The following SCAI variants were observed in gnomAD, a reference collection of about 807,000 sequenced individuals.
The protein encoded by SCAI is protein SCAI.
In SCAI, 24 loss-of-function variants were observed where a neutral mutation model predicts 92.2. That is an observed-to-expected ratio of 0.26 (90% confidence interval 0.19 to 0.37). SCAI has a LOEUF of 0.37. Among genes scored for constraint, SCAI ranks in the 10% least tolerant of loss-of-function variants. SCAI has a pLI of 1.00. For synonymous variants in SCAI, 261 were observed against 258.6 expected (o/e 1.01, Z -0.09); for missense variants, 450 against 736.2 (o/e 0.61, Z 4.50).
chr9:125,065,961 G>T, intron 2 of SCAI: 1 of 754,586 alleles, frequency 1.3e-6, no homozygotes, highest in Admixed American at 1.9e-5. Context: ...TAAAGGATAT[G>T]TATTTTAAAA....
At chr9:124,981,670 G>A (rs62583419) in intron 14 of SCAI, among the ~76,000 whole-genome samples, 1 of 147,828 alleles carries the variant, frequency 6.8e-6, no homozygotes. Flanking sequence ...TTTTTTTTTA[G>A]TCAAGGTCTT....
At chr9:125,140,133 A>C (rs1835631925) in intron 2 of SCAI, among the ~76,000 whole-genome samples, 2 of 152,104 alleles carry the variant, frequency 1.3e-5, no homozygotes, top group Non-Finnish European at 2.9e-5. Context: ...AGGTGGAAGG[A>C]TTACCAGGTC....
chr9:125,101,011 G>C (rs2131212950), intron 2 of SCAI, among the ~76,000 whole-genome samples: 1 of 152,232 alleles, frequency 6.6e-6, no homozygotes. Context: ...GACTGCTTGA[G>C]TCCAGGAGTT....
Position 125,085,366 on chromosome 9 carries a change from A to C in SCAI, c.99-29359T>G, listed in dbSNP as rs970845410. Reference sequence around the variant, plus strand: ...GCCTTGCGTGGTGGCGTGCACCTGTAGTCACAGCTACTCAGGAAGCTGAGG... The same window carrying C: ...GCCTTGCGTGGTGGCGTGCACCTGTCGTCACAGCTACTCAGGAAGCTGAGG... On this transcript the variant is annotated intron_variant, in intron 2 of 17. Coordinates refer to ENST00000336505, the MANE Select transcript of SCAI (RefSeq NM_001144877.3). 3.3e-5 allele frequency among the ~76,000 whole-genome samples: 5 copies of C among 152,290 alleles called. No individual in the cohort carries two copies. In the East Asian group the frequency reaches 9.6e-4, roughly 29 times the overall value.
rs142046796 is a variant in SCAI at position 125,132,181 on chromosome 9, T to C, written c.98+10452A>G. Among the ~76,000 whole-genome samples, 192 of 152,120 alleles carry C rather than the reference T, an allele frequency of 1.3e-3. 2 individuals are homozygous for C. Among genetic ancestry groups the C allele is most frequent in the African/African-American group, 4.3e-3 (179 of 41,524 alleles). On this transcript the variant is annotated intron_variant, in intron 2 of 17. Transcript: ENST00000336505. ...CAGGTTAGGGTGCAGTGGCACGATC[T>C]TGGCTCACTGCAACCACCAGCTCCT...
intron 2 of SCAI, among the ~76,000 whole-genome samples, chr9:125,111,218 AT>A (rs1189422201): frequency 6.6e-6 from 1 of 152,168 alleles, no homozygotes; most frequent in Non-Finnish European, 1.5e-5. Context: ...TAAAAAAAAA[AT>A]CAATCAAATT....
At chr9:124,968,602 A>T in intron 17 of SCAI, 1 of 954,652 alleles carries the variant, frequency 1.0e-6, no homozygotes, top group South Asian at 1.3e-5. Flanking sequence ...TCTTCAAAAA[A>T]CTCTGCTAAA....
chr9:125,003,342 A>G (rs1252663513), intron 10 of SCAI, 127 bp from the exon 11 acceptor site: 3 of 996,714 alleles, frequency 3.0e-6, no homozygotes, highest in Non-Finnish European at 4.8e-6. Context: ...GTGATGATCT[A>G]TTTCTCCATG....
chr9:125,040,383 T>C (rs1175252612), intron 3 of SCAI, among the ~76,000 whole-genome samples: 2 of 152,052 alleles, frequency 1.3e-5, no homozygotes, highest in Non-Finnish European at 2.9e-5. Flanking sequence ...CAAAAAAGAA[T>C]GATTTCTTTC....
intron 3 of SCAI, among the ~76,000 whole-genome samples, chr9:125,052,890 T>C (rs996765493): frequency 2.0e-5 from 3 of 151,186 alleles, no homozygotes; most frequent in Admixed American, 2.0e-4. Context: ...ACCATTTACA[T>C]CCAGTAGCAT....
intron 9 of SCAI, among the ~76,000 whole-genome samples, chr9:125,014,777 A>C (rs1832715757): frequency 6.6e-6 from 1 of 152,314 alleles, no homozygotes; most frequent in South Asian, 2.1e-4. Flanking sequence ...CCTGACTTCA[A>C]ACTATACTAC....
At chr9:124,994,033 G>A (rs1297971433) in intron 14 of SCAI, among the ~76,000 whole-genome samples, 1 of 145,348 alleles carries the variant, frequency 6.9e-6, no homozygotes, top group Non-Finnish European at 1.5e-5. Context: ...TTCACTGCTG[G>A]CATTTTTTTT....
intron 9 of SCAI, among the ~76,000 whole-genome samples, chr9:125,014,606 C>G (rs1462582235): frequency 6.6e-6 from 1 of 152,092 alleles, no homozygotes; most frequent in Non-Finnish European, 1.5e-5. Flanking sequence ...GCCATACTGC[C>G]CAAGGTAATT....
intron 14 of SCAI, among the ~76,000 whole-genome samples, chr9:124,982,744 G>A (rs1411553376): frequency 6.6e-6 from 1 of 151,600 alleles, no homozygotes; most frequent in Non-Finnish European, 1.5e-5. Context: ...TTCTTGGGGG[G>A]AAAAGGAAAT....
At chr9:125,016,960 T>C (rs578160801) in intron 9 of SCAI, among the ~76,000 whole-genome samples, 1 of 152,142 alleles carries the variant, frequency 6.6e-6, no homozygotes, top group East Asian at 1.9e-4. Context: ...TTTTAACAGA[T>C]GTTTAAAGAA....
chr9:125,032,184 TATATATATATA>T (rs1415996276), intron 3 of SCAI, among the ~76,000 whole-genome samples: 1 of 83,834 alleles, frequency 1.2e-5, no homozygotes, highest in Non-Finnish European at 2.3e-5. Context: ...TATATATATA[TATATATATATA>T]TTTTTTTTTT....
chr9:125,084,709 A>G (rs765205431), intron 2 of SCAI, among the ~76,000 whole-genome samples: 2 of 152,224 alleles, frequency 1.3e-5, no homozygotes, highest in Non-Finnish European at 2.9e-5. Context: ...TGTGTCTACA[A>G]TCATCAAAGC....
chr9:125,093,082 T>C (rs1393200005), intron 2 of SCAI, among the ~76,000 whole-genome samples: 1 of 152,202 alleles, frequency 6.6e-6, no homozygotes, highest in Non-Finnish European at 1.5e-5. Flanking sequence ...CATTTCCGGC[T>C]GGGCACGATG....
Position 124,950,363 on chromosome 9 carries a change from C to A in SCAI, c.*2444G>T, listed in dbSNP as rs985487507. 6.6e-6 allele frequency: 1 copy of A among 152,116 alleles called. No homozygotes were observed. Among genetic ancestry groups the A allele is most frequent in the South Asian group, 2.1e-4 (1 of 4,820 alleles). 9.4% of individuals were successfully genotyped at this position (152,116 alleles called of 1,614,324 possible). A position where few individuals can be genotyped will look rare whatever the true frequency, so the allele number is the denominator to read the frequency against. On this transcript the variant is annotated 3_prime_UTR_variant, in exon 18 of 18. Coordinates refer to ENST00000336505, the MANE Select transcript of SCAI (RefSeq NM_001144877.3). ...TGAAGACAGTTGTCAAAGGGCATAACGCTTAAGTTACCAGGAAAGCCAGGA... is the reference window on the plus strand; with the variant it reads ...TGAAGACAGTTGTCAAAGGGCATAAAGCTTAAGTTACCAGGAAAGCCAGGA...
Sources: gnomAD v4.1 joint callset for allele counts (sites outside exome capture counted in the v4.1 genomes callset) on GRCh38, gnomAD v4.1.1 for gene constraint, MANE v1.5 for transcripts, NCBI Gene and HGNC (gene_info 2026-07-23, HGNC 2026-07-21) for gene names.